Variants in VSTM2A observed in about 807,000 individuals in gnomAD.
VSTM2A encodes the protein V-set and transmembrane domain containing 2A, also known as V-set and transmembrane domain-containing protein 2A.
A neutral mutation model predicts 27.3 loss-of-function variants in VSTM2A; 13 were observed. That is an observed-to-expected ratio of 0.48 (90% CI 0.31 to 0.76). The LOEUF (loss-of-function observed/expected upper bound fraction) is 0.76, where lower values mean the gene tolerates loss of function less well. VSTM2A is among the 30% of genes least tolerant of loss of function. VSTM2A has a pLI of 0.05. For synonymous variants in VSTM2A, 142 were observed against 125.7 expected (o/e 1.13, Z -0.87); for missense variants, 280 against 310.0 (o/e 0.90, Z 0.73).
intron 3 of VSTM2A, 123 bp downstream of exon 3, chr7:54,547,120 C>A: frequency 1.8e-6 from 2 of 1,102,424 alleles, no homozygotes; most frequent in Non-Finnish European, 2.5e-6. Flanking sequence ...CCCTTGCTTG[C>A]CTCATTAGAT....
At chr7:54,567,762 T>C (rs1437131549) in intron 4 of VSTM2A, among the ~76,000 whole-genome samples, 1 of 145,346 alleles carries the variant, frequency 6.9e-6, no homozygotes, top group African/African-American at 2.8e-5. Flanking sequence ...TTTATTTTTC[T>C]TTCTTTTTTT....
chr7:54,566,955 T>C (rs1788744524), intron 4 of VSTM2A, among the ~76,000 whole-genome samples: 1 of 152,208 alleles, frequency 6.6e-6, no homozygotes, highest in Admixed American at 6.5e-5. Flanking sequence ...ATTATGTAAT[T>C]AGTATAAATC....
chr7:54,546,733 G>A (rs1277572816), intron 2 of VSTM2A: 4 of 529,706 alleles, frequency 7.6e-6, no homozygotes, highest in African/African-American at 4.1e-5. Context: ...CGCGGGGACG[G>A]CGTGGGGTAT....
chr7:54,553,368 C>T (rs1788248940), intron 4 of VSTM2A, among the ~76,000 whole-genome samples: 1 of 152,200 alleles, frequency 6.6e-6, no homozygotes, highest in African/African-American at 2.4e-5. Flanking sequence ...TTTGCAATCC[C>T]TTTGAAGTTT....
intron 3 of VSTM2A, among the ~76,000 whole-genome samples, chr7:54,548,872 C>T (rs917985808): frequency 2.0e-5 from 3 of 151,296 alleles, no homozygotes; most frequent in African/African-American, 4.9e-5. Context: ...AACTTTCGGC[C>T]TCCTTCATTT....
At chr7:54,547,578 T>C (rs6971372) in intron 3 of VSTM2A, among the ~76,000 whole-genome samples, 82,052 of 151,984 alleles carry the variant, frequency 0.54, 22,845 homozygotes, top group Middle Eastern at 0.7. Context: ...TCCACTCTCT[T>C]GCTTATTACT....
chr7:54,569,488 CCAG>C lies in VSTM2A; in HGVS notation c.*272_*274del. The C allele has an allele frequency of 2.2e-6, 1 of 458,410 alleles. No individual in the cohort carries two copies. Among genetic ancestry groups the C allele is most frequent in the East Asian group, 4.1e-5 (1 of 24,268 alleles). 28.4% of individuals were successfully genotyped at this position (458,410 alleles called of 1,614,324 possible). ...TACCACTAATTTCCTACTAAAGGAC[CCAG>C]CATCTTCAGGAAGCAAACAGAGATC... is the stretch of plus-strand genomic sequence containing the variant. On this transcript the variant is annotated 3_prime_UTR_variant, in exon 5 of 5. Transcript: ENST00000402613.
intron 2 of VSTM2A, chr7:54,546,565 T>TGCCCCCTC (rs1261814517): frequency 7.1e-6 from 1 of 139,956 alleles, no homozygotes; most frequent in Non-Finnish European, 1.5e-5. Flanking sequence ...CCCCCCCGCC[T>TGCCCCCTC]GCCCGCCCGC....
At chr7:54,566,924 T>G (rs373054544) in intron 4 of VSTM2A, among the ~76,000 whole-genome samples, 4 of 152,316 alleles carry the variant, frequency 2.6e-5, no homozygotes, top group African/African-American at 7.2e-5. Context: ...AACCATAACA[T>G]GTTTGATAAG....
intron 4 of VSTM2A, among the ~76,000 whole-genome samples, chr7:54,555,106 AG>A (rs1788312498): frequency 6.6e-6 from 1 of 152,192 alleles, no homozygotes; most frequent in African/African-American, 2.4e-5. Context: ...CTCTTCTGTC[AG>A]CTGCCACACT....
chr7:54,546,532 G>GCC (rs1165396480), intron 2 of VSTM2A: 1 of 168,200 alleles, frequency 5.9e-6, no homozygotes, highest in African/African-American at 2.5e-5. Context: ...CACCCCTGGC[G>GCC]CCCGCCCGCC....
intron 4 of VSTM2A, chr7:54,558,795 T>C (rs1162303099): frequency 1.3e-5 from 2 of 151,938 alleles, no homozygotes; most frequent in Non-Finnish European, 1.5e-5. Context: ...TATATCCAAA[T>C]GAAGGCCAGT....
chr7:54,555,014 T>C (rs181766158), intron 4 of VSTM2A, among the ~76,000 whole-genome samples: 19 of 152,360 alleles, frequency 1.2e-4, no homozygotes, highest in African/African-American at 4.1e-4. Context: ...AAAAGAAATG[T>C]TCTTCCTCCT....
intron 4 of VSTM2A, among the ~76,000 whole-genome samples, chr7:54,560,743 C>A (rs1184230686): frequency 6.6e-6 from 1 of 152,098 alleles, no homozygotes; most frequent in Non-Finnish European, 1.5e-5. Context: ...TTCCATGAAG[C>A]TGACAAATAT....
chr7:54,548,636 A>G (rs1381270091), intron 3 of VSTM2A, among the ~76,000 whole-genome samples: 1 of 152,184 alleles, frequency 6.6e-6, no homozygotes, highest in African/African-American at 2.4e-5. Context: ...AGCTACCTCA[A>G]ACTTTGTTAG....
chr7:54,555,920 T>C (rs1221101145), intron 4 of VSTM2A, among the ~76,000 whole-genome samples: 1 of 152,196 alleles, frequency 6.6e-6, no homozygotes, highest in Non-Finnish European at 1.5e-5. Flanking sequence ...AAAATTCATA[T>C]TCCAGAACTC....
chr7:54,558,550 C>T (rs1788446981), intron 4 of VSTM2A: 1 of 151,980 alleles, frequency 6.6e-6, no homozygotes, highest in African/African-American at 2.4e-5. Context: ...TCAGCAATGC[C>T]TAGTTCTCTA....
chr7:54,546,423 G>A (rs1787971310), intron 2 of VSTM2A, among the ~76,000 whole-genome samples: 2 of 152,044 alleles, frequency 1.3e-5, no homozygotes, highest in Non-Finnish European at 2.9e-5. Context: ...AGAATCTGGG[G>A]CCAGGAGCGC....
At chr7:54,547,038 G>A (rs778042531) in intron 3 of VSTM2A, 41 bp downstream of exon 3, 2 of 1,554,060 alleles carry the variant, frequency 1.3e-6, no homozygotes, top group Non-Finnish European at 8.7e-7. Context: ...CCCAGGCTCG[G>A]GACGCACAGC....
Sources: gnomAD v4.1 joint callset for allele counts (sites outside exome capture counted in the v4.1 genomes callset) on GRCh38, gnomAD v4.1.1 for gene constraint, MANE v1.5 for transcripts, NCBI Gene and HGNC (gene_info 2026-07-23, HGNC 2026-07-21) for gene names.